TMEM267: variants seen among roughly 807,000 people sequenced by gnomAD.
The protein encoded by TMEM267 is transmembrane protein C5orf28.
Under a neutral mutation model 19.3 loss-of-function variants are expected in TMEM267, and 20 were observed. The ratio of observed to expected loss-of-function variants is 1.04; its 90% CI spans 0.73 to 1.51. The LOEUF is 1.51. Among genes scored for constraint, TMEM267 ranks in the 40% most tolerant of loss-of-function variants. The probability of loss-of-function intolerance (pLI) is 0.00; values close to 1 mark genes in which losing one functional copy is unlikely to be tolerated. For missense variants in TMEM267, 242 were observed against 261.9 expected (o/e 0.92, Z 0.52); for synonymous variants, 88 against 90.3 (o/e 0.97, Z 0.15).
At chr5:43,478,442 T>C (rs1014154960) in intron 1 of TMEM267, among the ~76,000 whole-genome samples, 11 of 152,178 alleles carry the variant, frequency 7.2e-5, no homozygotes, top group African/African-American at 2.4e-4. Flanking sequence ...GAATTCTACA[T>C]AGTCCAGCTA....
intron 2 of TMEM267, among the ~76,000 whole-genome samples, chr5:43,448,566 C>T (rs1742387771): frequency 1.3e-5 from 2 of 152,162 alleles, no homozygotes; most frequent in African/African-American, 2.4e-5. Context: ...CACCTGAGGT[C>T]AGGAGCTCGA....
Position 43,445,313 on chromosome 5 carries a change from T to C in TMEM267, c.*909A>G, listed in dbSNP as rs910837507. The C allele has an allele frequency of 2.0e-5, 3 of 152,180 alleles. No individual in the cohort carries two copies. The highest frequency in any genetic ancestry group is 4.4e-5 in the Non-Finnish European group (3 of 68,010). The allele number at this position is 152,180 out of a possible 1,614,324, so 9.4% of individuals were successfully genotyped here. A position where few individuals can be genotyped will look rare whatever the true frequency, so the allele number is the denominator to read the frequency against. ...TATTTTAGAATAGTATATAAAATAG[T>C]ATATAAACAAACTGATAGCAACTAA... On this transcript the variant is annotated 3_prime_UTR_variant, in exon 3 of 3. Coordinates refer to ENST00000397080, the MANE Select transcript of TMEM267 (RefSeq NM_022483.5).
chr5:43,474,054 C>T (rs1348145986), intron 1 of TMEM267, among the ~76,000 whole-genome samples: 2 of 152,152 alleles, frequency 1.3e-5, no homozygotes, highest in African/African-American at 4.8e-5. Flanking sequence ...GGAAAACTGG[C>T]TAGCCATATG....
chr5:43,464,126 T>A (rs916088398), intron 1 of TMEM267, among the ~76,000 whole-genome samples: 3 of 152,168 alleles, frequency 2.0e-5, no homozygotes, highest in Admixed American at 1.3e-4. Context: ...ACAAAATCAA[T>A]GTACAAAAAT....
At chr5:43,461,853 TG>T (rs1277006892) in intron 1 of TMEM267, among the ~76,000 whole-genome samples, 1 of 152,178 alleles carries the variant, frequency 6.6e-6, no homozygotes, top group African/African-American at 2.4e-5. Flanking sequence ...ACCCAGGGCC[TG>T]GGGGACCTCA....
At position 43,446,327 on chromosome 5, in the gene TMEM267, A is replaced by T. The variant is rs1468063555; in HGVS notation, c.543T>A (p.Tyr181Ter). 1 of 1,613,912 alleles carries T rather than the reference A, an allele frequency of 6.2e-7. No individual in the cohort carries two copies. The highest frequency in any genetic ancestry group is 8.5e-7 in the Non-Finnish European group (1 of 1,179,756). ...GKTSPLPFWL[Y>*]VIITSSLPHI... is the part of the protein sequence containing the mutation. ...GAGGTAAAGATGATGTGATTATTACATAAAGCCAGAATGGCAAAGGAGAAG... is the reference window on the plus strand; with the variant it reads ...GAGGTAAAGATGATGTGATTATTACTTAAAGCCAGAATGGCAAAGGAGAAG... The change falls in exon 3 of 3, where the codon TAT becomes TAA. Residue 181 changes from tyrosine to a stop codon, truncating the protein, a stop_gained. Coordinates refer to ENST00000397080, the MANE Select transcript of TMEM267 (RefSeq NM_022483.5). LOFTEE classifies it high-confidence loss of function.
chr5:43,449,864 G>A (rs187266300), intron 2 of TMEM267, among the ~76,000 whole-genome samples: 18 of 152,190 alleles, frequency 1.2e-4, no homozygotes, highest in Admixed American at 1.2e-3. Context: ...CTCTGGATAT[G>A]TTTACAGCCA....
chr5:43,461,902 G>C (rs1223387568), intron 1 of TMEM267, among the ~76,000 whole-genome samples: 1 of 152,206 alleles, frequency 6.6e-6, no homozygotes, highest in African/African-American at 2.4e-5. Flanking sequence ...GGCTGGCTTT[G>C]CTACTGGCTG....
Position 43,446,257 on chromosome 5 carries a change from T to C in TMEM267, c.613A>G (p.Met205Val). The C allele has an allele frequency of 6.2e-7, 1 of 1,613,512 alleles. No homozygotes were observed. Among genetic ancestry groups the C allele is most frequent in the Non-Finnish European group, 8.5e-7 (1 of 1,179,458 alleles). ...VMYLTGTRQM[M>V]SSKHGVRIDV ...ATACGAACTCCATGTTTTGAAGACA[T>C]CATTTGTCTGGTTCCTGTTAAATAC... Residue 205 changes from methionine (M) to valine (V), a missense_variant, in exon 3 of 3, where the codon ATG becomes GTG. Coordinates refer to ENST00000397080, the MANE Select transcript of TMEM267 (RefSeq NM_022483.5).
chr5:43,452,077 C>CAAAAAAAAAAAAAAAAAAA (rs375224453), intron 2 of TMEM267, among the ~76,000 whole-genome samples: 1 of 86,550 alleles, frequency 1.2e-5, no homozygotes, highest in African/African-American at 4.4e-5. Flanking sequence ...GACCCTATCT[C>CAAAAAAAAAAAAAAAAAAA]AAAAAAAAAA....
At chr5:43,467,749 C>T (rs949460947) in intron 1 of TMEM267, among the ~76,000 whole-genome samples, 5 of 152,200 alleles carry the variant, frequency 3.3e-5, no homozygotes, top group African/African-American at 1.2e-4. Flanking sequence ...CTGGGAACCA[C>T]TCAGGGCAAA....
intron 1 of TMEM267, chr5:43,476,281 G>T (rs1744415979): frequency 6.6e-6 from 1 of 152,262 alleles, no homozygotes; most frequent in Admixed American, 6.5e-5. Flanking sequence ...AGAGGCTGAT[G>T]CAGGTTCCGT....
intron 2 of TMEM267, 69 bp downstream of exon 2, chr5:43,453,589 T>C (rs779155225): frequency 1.5e-6 from 2 of 1,351,578 alleles, no homozygotes; most frequent in South Asian, 1.4e-5. Context: ...TTCTAAATGA[T>C]GCTGTAAAGA....
chr5:43,475,935 G>A (rs1321436008), intron 1 of TMEM267, among the ~76,000 whole-genome samples: 2 of 152,188 alleles, frequency 1.3e-5, no homozygotes, highest in Admixed American at 1.3e-4. Context: ...TATCAACTCA[G>A]CTAACTCGGA....
At chr5:43,463,070 G>A (rs1010518418) in intron 1 of TMEM267, among the ~76,000 whole-genome samples, 1 of 150,620 alleles carries the variant, frequency 6.6e-6, no homozygotes, top group Non-Finnish European at 1.5e-5. Context: ...AAAGAGAGAA[G>A]AATCAAATAG....
rs1341462298 is a variant in TMEM267, at chr5:43,467,138, G to A, written c.-74-13095C>T. Among the ~76,000 whole-genome samples, 4 of 105,168 alleles carry A rather than the reference G, an allele frequency of 3.8e-5. No homozygotes were observed. The Admixed American group carries it at 5.4e-4, about 14-fold the overall frequency. 69.0% of individuals were successfully genotyped at this position (105,168 alleles called of 152,430 possible). A position where few individuals can be genotyped will look rare whatever the true frequency, so the allele number is the denominator to read the frequency against. ...CACTCCAGTCTGGGCAACAGAGAGA[G>A]ACTCTGTCAAAAAAAAAAAAAAAAA... On this transcript the variant is annotated intron_variant, in intron 1 of 2. Transcript: ENST00000397080.
At position 43,446,479 on chromosome 5, in the gene TMEM267, T is replaced by G. The variant is rs1169574048; in HGVS notation, c.391A>C (p.Thr131Pro). 2.5e-6 allele frequency: 4 copies of G among 1,613,940 alleles called. No individual in the cohort carries two copies. The highest frequency in any genetic ancestry group is 3.4e-6 in the Non-Finnish European group (4 of 1,179,908). The change falls in exon 3 of 3, where the codon ACT becomes CCT. Residue 131 changes from threonine (T) to proline (P), a missense_variant. Thr to Pro is a conservative substitution (Grantham distance 38). Transcript: ENST00000397080. ...TCTTTGAGCTTGAAAAGGTGCATAG[T>G]AAATTTCAGGGTCAGAACCACAACG... Reference protein sequence around the residue: ...IPVVVLTLKFTMHLFKLKDSW... With the variant: ...IPVVVLTLKFPMHLFKLKDSW...
chr5:43,447,817 G>C (rs1742347131), intron 2 of TMEM267, among the ~76,000 whole-genome samples: 1 of 152,134 alleles, frequency 6.6e-6, no homozygotes, highest in South Asian at 2.1e-4. Flanking sequence ...ATTACCACTA[G>C]GAAGTTCAGT....
At chr5:43,463,919 A>G (rs1481106738) in intron 1 of TMEM267, among the ~76,000 whole-genome samples, 1 of 151,988 alleles carries the variant, frequency 6.6e-6, no homozygotes, top group Admixed American at 6.6e-5. Flanking sequence ...CTCTCTCACC[A>G]CTCCTATTCA....
Sources: gnomAD v4.1 joint callset for allele counts (sites outside exome capture counted in the v4.1 genomes callset) on GRCh38, gnomAD v4.1.1 for gene constraint, MANE v1.5 for transcripts, NCBI Gene and HGNC (gene_info 2026-07-23, HGNC 2026-07-21) for gene names.